Variants in SLC9A3 observed in about 807,000 individuals in gnomAD.
The protein encoded by SLC9A3 is solute carrier family 9 member A3, also known as sodium/hydrogen exchanger 3.
In SLC9A3, 37 loss-of-function variants were observed where a neutral mutation model predicts 86.8. The ratio of observed to expected loss-of-function variants is 0.43; its 90% CI spans 0.33 to 0.56. The LOEUF (loss-of-function observed/expected upper bound fraction) is 0.56. Among genes scored for constraint, SLC9A3 ranks in the 20% least tolerant of loss-of-function variants. SLC9A3 has a pLI of 0.06. For missense variants in SLC9A3, 1,011 were observed against 1,171.9 expected, an observed-to-expected ratio of 0.86 and a Z score of 2.00; for synonymous variants, 581 against 528.3, an observed-to-expected ratio of 1.10 and a Z score of -1.37.
In SLC9A3 at chr5:477,358, G is replaced by T. The variant is rs761609631; in HGVS notation, c.1734C>A (p.Thr578=). 2.5e-6 allele frequency: 4 copies of T among 1,611,866 alleles called. No individual in the cohort carries two copies. The East Asian group carries it at 8.9e-5, about 36-fold the overall frequency. The part of the protein sequence containing the change: ...VNVDFTPRSS[T]VEASVSYLLR... ...GGAGGTAGGAGACAGAGGCCTCCAC[G>T]GTGGACGATCGTGGCGTGAAGTCCA... The change falls in exon 11 of 17, where the codon ACC becomes ACA. Residue 578 remains threonine (T), a synonymous_variant. Transcript: ENST00000264938.
At position 472,827 on chromosome 5, in the gene SLC9A3, G is replaced by C. The variant is rs1397563528; in HGVS notation, c.*552C>G. 2 of 553,034 alleles carry C rather than the reference G, an allele frequency of 3.6e-6. No homozygotes were observed. Among genetic ancestry groups the C allele is most frequent in the South Asian group, 1.6e-5 (1 of 64,336 alleles). 34.3% of individuals were successfully genotyped at this position (553,034 alleles called of 1,614,324 possible). A position where few individuals can be genotyped will look rare whatever the true frequency, so the allele number is the denominator to read the frequency against. On this transcript the variant is annotated 3_prime_UTR_variant, in exon 17 of 17. Coordinates refer to ENST00000264938, the MANE Select transcript of SLC9A3 (RefSeq NM_004174.4). ...GGTCCCCGAGTCAGTCCCCGGGCGC[G>C]GGGCTCGGTTGGGGGGGCCCGGAAC...
chr5:495,262 C>T (rs6868535), intron 1 of SLC9A3, among the ~76,000 whole-genome samples: 54,120 of 151,508 alleles, frequency 0.36, 10,109 homozygotes, highest in Middle Eastern at 0.51. Context: ...CGATCACCAC[C>T]GTTGTGAAGC....
At chr5:484,841 G>T in intron 4 of SLC9A3, 144 bp from the exon 5 acceptor site, 1 of 793,254 alleles carries the variant, frequency 1.3e-6, no homozygotes. Flanking sequence ...CCTGGTCTCA[G>T]CACCAGCCTT....
In SLC9A3 at chr5:486,961, C is replaced by T. The variant is rs576534232; in HGVS notation, c.675+1355G>A. Among the ~76,000 whole-genome samples, 110 of 65,410 alleles carry T rather than the reference C, an allele frequency of 1.7e-3. 2 individuals are homozygous for T. Among genetic ancestry groups the T allele is most frequent in the Middle Eastern group, 8.2e-3 (1 of 122 alleles). The allele number at this position is 65,410 out of a possible 152,430, so 42.9% of individuals were successfully genotyped here. On this transcript the variant is annotated intron_variant, in intron 3 of 16. Transcript: ENST00000264938. Reference sequence around the variant, plus strand: ...ACCGCACTGACACCCACCACACTGACACCGTGATCCAGACCGCACTGACAC... The same window carrying T: ...ACCGCACTGACACCCACCACACTGATACCGTGATCCAGACCGCACTGACAC...
At chr5:508,167 G>A (rs1259665857) in intron 1 of SLC9A3, among the ~76,000 whole-genome samples, 1 of 152,200 alleles carries the variant, frequency 6.6e-6, no homozygotes, top group Non-Finnish European at 1.5e-5. Context: ...AGCGCGCCCG[G>A]GATGGAGATG....
At chr5:476,113 T>C in intron 13 of SLC9A3, 21 bp from the exon 14 acceptor site, 1 of 1,612,894 alleles carries the variant, frequency 6.2e-7, no homozygotes. Flanking sequence ...AACGTGAAGC[T>C]GCTCACACCC....
rs1309450038 is a variant in SLC9A3 at position 470,732 on chromosome 5, A to G, written c.*2647T>C. ...TATTTTGATGAAATTCTTTGCTTTCACAATAGAAGATCAATGGTACACAGT... is the reference window on the plus strand; with the variant it reads ...TATTTTGATGAAATTCTTTGCTTTCGCAATAGAAGATCAATGGTACACAGT... On this transcript the variant is annotated 3_prime_UTR_variant, in exon 17 of 17. Coordinates refer to ENST00000264938, the MANE Select transcript of SLC9A3 (RefSeq NM_004174.4). 6.6e-6 allele frequency: 1 copy of G among 152,310 alleles called. No individual in the cohort carries two copies. The highest frequency in any genetic ancestry group is 1.9e-4 in the East Asian group (1 of 5,288). 9.4% of individuals were successfully genotyped at this position (152,310 alleles called of 1,614,324 possible).
chr5:522,159 G>A lies in SLC9A3; in HGVS notation c.211+1953C>T, dbSNP rs1015507351. 1.1e-4 allele frequency among the ~76,000 whole-genome samples: 16 copies of A among 152,340 alleles called. 1 individual carries two copies. The highest frequency in any genetic ancestry group is 5.9e-4 in the Admixed American group (9 of 15,310). On this transcript the variant is annotated intron_variant, in intron 1 of 16. Transcript: ENST00000264938. ...CCAACAATCCGAGACAAAGACAGCC[G>A]CTGAGTGCTATCAGGGTGGGCCTTT... is the stretch of plus-strand genomic sequence containing the variant.
Position 473,376 on chromosome 5 carries a change from G to C in SLC9A3, c.*3C>G, listed in dbSNP as rs919902565. The C allele has an allele frequency of 7.1e-7, 1 of 1,416,762 alleles. No individual in the cohort carries two copies. Among genetic ancestry groups the C allele is most frequent in the Admixed American group, 2.6e-5 (1 of 38,496 alleles). 87.8% of individuals were successfully genotyped at this position (1,416,762 alleles called of 1,614,324 possible). ...GCCGGTTAGCGGCGTGTCGGAGCCG[G>C]TGTCACCTGCGGGAGAGGAAGGCGT... On this transcript the variant is annotated 3_prime_UTR_variant, in exon 17 of 17. Transcript: ENST00000264938.
At chr5:499,755 G>A (rs553562562) in intron 1 of SLC9A3, among the ~76,000 whole-genome samples, 35 of 152,324 alleles carry the variant, frequency 2.3e-4, no homozygotes, top group African/African-American at 7.7e-4. Flanking sequence ...GGCAGGGCCC[G>A]AGATAATGCC....
chr5:471,393 G>C lies in SLC9A3; in HGVS notation c.*1986C>G. 2 of 286,480 alleles carry C rather than the reference G, an allele frequency of 7.0e-6. No individual in the cohort carries two copies. The highest frequency in any genetic ancestry group is 1.4e-5 in the Non-Finnish European group (2 of 145,872). 17.7% of individuals were successfully genotyped at this position (286,480 alleles called of 1,614,324 possible). ...ATCGCCATGCATTGCGCGGTGGACCGCACGACGCTCCTGCTCTGTTCTCCC... is the reference window on the plus strand; with the variant it reads ...ATCGCCATGCATTGCGCGGTGGACCCCACGACGCTCCTGCTCTGTTCTCCC... On this transcript the variant is annotated 3_prime_UTR_variant, in exon 17 of 17. Transcript: ENST00000264938.
Position 491,401 on chromosome 5 carries a change from G to A in SLC9A3, c.514+368C>T, listed in dbSNP as rs1051745483. Among the ~76,000 whole-genome samples the A allele has an allele frequency of 7.9e-5, 12 of 152,262 alleles. No individual in the cohort carries two copies. Among genetic ancestry groups the A allele is most frequent in the Non-Finnish European group, 1.5e-4 (10 of 67,994 alleles). ...CTCCGGCACACAGGCTGGGAGGGAC[G>A]GTGCCCGATACACCAGGCTCTGCAG... On this transcript the variant is annotated intron_variant, in intron 2 of 16. Coordinates refer to ENST00000264938, the MANE Select transcript of SLC9A3 (RefSeq NM_004174.4). This position sits in a 1 kb window ranked among gnomAD's most constrained non-coding sequence, Gnocchi z 9.2.
intron 1 of SLC9A3, among the ~76,000 whole-genome samples, chr5:513,688 G>A (rs917630783): frequency 6.6e-6 from 1 of 152,336 alleles, no homozygotes; most frequent in Non-Finnish European, 1.5e-5. Flanking sequence ...CTCCTCAGGG[G>A]CCCAGGGACA....
intron 13 of SLC9A3, 23 bp downstream of exon 13, chr5:476,179 G>C (rs1250901883): frequency 6.8e-6 from 11 of 1,612,832 alleles, no homozygotes; most frequent in Non-Finnish European, 9.3e-6. Context: ...GCCCCGCCAA[G>C]CCTCCTGGTG....
At position 482,109 on chromosome 5, in the gene SLC9A3, C is replaced by T. The variant is rs772434234; in HGVS notation, c.1405G>A (p.Glu469Lys). The change falls in exon 8 of 17, where the codon GAG becomes AAG. Residue 469 changes from glutamate (E) to lysine (K), a missense_variant. Around this residue, in one of 3 missense-constraint regions of SLC9A3, gnomAD observed 565 missense variants for 790.0 expected, o/e 0.72. Transcript: ENST00000264938. Reference protein sequence around the residue: ...LVQWLKVKRSEHREPRLNEKL... With the variant: ...LVQWLKVKRSKHREPRLNEKL... The stretch of plus-strand genomic sequence containing the variant: ...TCGTTGAGCCGAGGTTCCCGGTGCT[C>T]GCTCCTCTTCACCTTCAGCCACTGC... The T allele has an allele frequency of 8.7e-6, 14 of 1,609,100 alleles. No individual in the cohort carries two copies. The highest frequency in any genetic ancestry group is 2.7e-5 in the African/African-American group (2 of 73,908).
intron 2 of SLC9A3, among the ~76,000 whole-genome samples, chr5:490,572 A>G (rs1739687411): frequency 6.6e-6 from 1 of 152,188 alleles, no homozygotes; most frequent in Non-Finnish European, 1.5e-5. Context: ...CCTGACGGCC[A>G]GACTGATCAC....
chr5:471,907 T>C lies in SLC9A3; in HGVS notation c.*1472A>G. On this transcript the variant is annotated 3_prime_UTR_variant, in exon 17 of 17. Coordinates refer to ENST00000264938, the MANE Select transcript of SLC9A3 (RefSeq NM_004174.4). ...CTCAATGGGGACTCAATGTGCAATATTCAGTCAACATAAAACTCTTTAAGA... is the reference window on the plus strand; with the variant it reads ...CTCAATGGGGACTCAATGTGCAATACTCAGTCAACATAAAACTCTTTAAGA... 1 of 456,684 alleles carries C rather than the reference T, an allele frequency of 2.2e-6. No homozygotes were observed. The highest frequency in any genetic ancestry group is 4.4e-6 in the Non-Finnish European group (1 of 226,964). The allele number at this position is 456,684 out of a possible 1,614,324, so 28.3% of individuals were successfully genotyped here.
intron 1 of SLC9A3, among the ~76,000 whole-genome samples, chr5:517,823 A>T (rs1221367006): frequency 3.5e-5 from 3 of 84,666 alleles, no homozygotes; most frequent in African/African-American, 1.5e-4. Flanking sequence ...CCATCCATCC[A>T]TCCATCCATC....
rs1005190711 is a variant in SLC9A3, at chr5:491,664, C to T, written c.514+105G>A. 9 of 1,076,634 alleles carry T rather than the reference C, an allele frequency of 8.4e-6. No individual in the cohort carries two copies. Among genetic ancestry groups the T allele is most frequent in the Non-Finnish European group, 1.0e-5 (8 of 769,334 alleles). 66.7% of individuals were successfully genotyped at this position (1,076,634 alleles called of 1,614,324 possible). A position where few individuals can be genotyped will look rare whatever the true frequency, so the allele number is the denominator to read the frequency against. ...CACGTTTCTCACCTGACACTTACCG[C>T]CTGGAGGCCAGGGTGCGGCACCCCG... On this transcript the variant is annotated intron_variant, in intron 2 of 16. Coordinates refer to ENST00000264938, the MANE Select transcript of SLC9A3 (RefSeq NM_004174.4). This position sits in a 1 kb window ranked among gnomAD's most constrained non-coding sequence, Gnocchi z 9.2.
Sources: gnomAD v4.1 joint callset for allele counts (sites outside exome capture counted in the v4.1 genomes callset) on GRCh38, gnomAD v4.1.1 for gene constraint, gnomAD v4.1.1 regional missense constraint, Gnocchi (gnomAD v3.1) non-coding constraint, MANE v1.5 for transcripts, NCBI Gene and HGNC (gene_info 2026-07-23, HGNC 2026-07-21) for gene names.